Variants in JMJD1C observed in about 807,000 individuals in gnomAD.
The protein encoded by JMJD1C is jumonji domain-containing protein 1C.
In JMJD1C, 31 loss-of-function variants were observed where a neutral mutation model predicts 245.3. The observed-to-expected ratio is 0.13, with a 90% CI of 0.09 to 0.17. The LOEUF (loss-of-function observed/expected upper bound fraction) is 0.17. JMJD1C is among the 10% of genes least tolerant of loss of function. JMJD1C has a pLI of 1.00. For missense variants in JMJD1C, 2,691 were observed against 3,000.2 expected, an observed-to-expected ratio of 0.90 and a Z score of 2.41; for synonymous variants, 1,057 against 1,017.4, an observed-to-expected ratio of 1.04 and a Z score of -0.74.
At chr10:63,176,075 T>G (rs1454132354) in intron 24 of JMJD1C, among the ~76,000 whole-genome samples, 1 of 152,180 alleles carries the variant, frequency 6.6e-6, no homozygotes, top group Non-Finnish European at 1.5e-5. Context: ...GGAGACAGTA[T>G]ACAAATAGAA....
At chr10:63,456,152 T>C (rs1952397867) in intron 1 of JMJD1C, among the ~76,000 whole-genome samples, 1 of 152,206 alleles carries the variant, frequency 6.6e-6, no homozygotes, top group Middle Eastern at 3.4e-3. Context: ...TAAAATGGTT[T>C]CCCTCAAAAT....
At chr10:63,368,390 A>G (rs1946027529) in intron 2 of JMJD1C, among the ~76,000 whole-genome samples, 9 of 152,180 alleles carry the variant, frequency 5.9e-5, no homozygotes. Flanking sequence ...ACTATATAAC[A>G]GCACATAGGG....
intron 1 of JMJD1C, chr10:63,427,506 T>A (rs542407156): frequency 1.5e-6 from 2 of 1,323,924 alleles, no homozygotes; most frequent in Admixed American, 3.5e-5. Flanking sequence ...AGCAACTGTT[T>A]CCTGCCAATG....
Position 63,465,755 on chromosome 10 carries a change from A to C in JMJD1C, c.-93T>G. 2.1e-6 allele frequency: 3 copies of C among 1,431,464 alleles called. No individual in the cohort carries two copies. The highest frequency in any genetic ancestry group is 2.9e-6 in the Non-Finnish European group (3 of 1,037,882). 88.7% of individuals were successfully genotyped at this position (1,431,464 alleles called of 1,614,324 possible). A position where few individuals can be genotyped will look rare whatever the true frequency, so the allele number is the denominator to read the frequency against. On this transcript the variant is annotated 5_prime_UTR_variant, in exon 1 of 26. Coordinates refer to ENST00000399262, the MANE Select transcript of JMJD1C (RefSeq NM_032776.3). ...CGGCCGCTCATGCTGAGGAGAGCGG[A>C]CCGGGACACAGCAGCGGACCCGAAA...
At position 63,167,498 on chromosome 10, in the gene JMJD1C, A is replaced by C. The variant is rs1296643840; in HGVS notation, c.*547T>G. ...GTCAATAGCTTCAACAAAATATTGA[A>C]GTGTCTGTATTTAGTATCTACTTTA... On this transcript the variant is annotated 3_prime_UTR_variant, in exon 26 of 26. Transcript: ENST00000399262. The C allele has an allele frequency of 1.3e-5, 2 of 152,626 alleles. No individual in the cohort carries two copies. The highest frequency in any genetic ancestry group is 2.4e-5 in the African/African-American group (1 of 41,450). 9.5% of individuals were successfully genotyped at this position (152,626 alleles called of 1,614,324 possible). A position where few individuals can be genotyped will look rare whatever the true frequency, so the allele number is the denominator to read the frequency against.
intron 24 of JMJD1C, 97 bp from the exon 25 acceptor site, chr10:63,168,663 G>T: frequency 9.1e-7 from 1 of 1,098,478 alleles, no homozygotes; most frequent in Non-Finnish European, 1.2e-6. Flanking sequence ...AGACAATTCT[G>T]CTGGAGAATT....
At chr10:63,353,270 C>G (rs924820469) in intron 2 of JMJD1C, among the ~76,000 whole-genome samples, 6 of 151,994 alleles carry the variant, frequency 3.9e-5, no homozygotes, top group Admixed American at 3.9e-4. Context: ...TTTGTAAGAA[C>G]TCAAAGAAAC....
At chr10:63,410,438 G>C (rs963307582) in intron 1 of JMJD1C, among the ~76,000 whole-genome samples, 5 of 152,146 alleles carry the variant, frequency 3.3e-5, no homozygotes, top group African/African-American at 9.7e-5. Flanking sequence ...GAAATGAAGA[G>C]TGAGTGAGGT....
At chr10:63,295,959 ATGTG>A (rs370590868) in intron 2 of JMJD1C, among the ~76,000 whole-genome samples, 1,444 of 89,796 alleles carry the variant, frequency 0.016, 78 homozygotes, top group East Asian at 0.11. Flanking sequence ...ATACACGTAT[ATGTG>A]TGTGTGTGTG....
intron 1 of JMJD1C, among the ~76,000 whole-genome samples, chr10:63,482,155 G>A (rs1291637049): frequency 6.6e-6 from 1 of 151,982 alleles, no homozygotes; most frequent in Non-Finnish European, 1.5e-5. Flanking sequence ...TTACGACATT[G>A]ATGAGGAAAA....
At chr10:63,351,333 C>G (rs571822658) in intron 2 of JMJD1C, among the ~76,000 whole-genome samples, 1 of 152,220 alleles carries the variant, frequency 6.6e-6, no homozygotes, top group Admixed American at 6.5e-5. Flanking sequence ...GGTGATCCAG[C>G]CACCTCGGCC....
chr10:63,193,528 A>C, intron 14 of JMJD1C, 56 bp from the exon 15 acceptor site: 1 of 1,324,188 alleles, frequency 7.6e-7, no homozygotes, highest in African/African-American at 1.5e-5. Context: ...TAATGCTGTA[A>C]AATTTTTTTC....
intron 22 of JMJD1C, among the ~76,000 whole-genome samples, chr10:63,181,156 G>A (rs922145720): frequency 3.3e-5 from 5 of 152,106 alleles, no homozygotes; most frequent in Non-Finnish European, 5.9e-5. Context: ...ATGAGCCACC[G>A]TGCCTGGCTT....
Position 63,449,662 on chromosome 10 carries a change from A to C in JMJD1C, c.168+15833T>G, listed in dbSNP as rs539028265. 3.9e-5 allele frequency among the ~76,000 whole-genome samples: 6 copies of C among 152,318 alleles called. No individual in the cohort carries two copies. The South Asian group carries it at 6.2e-4, about 16-fold the overall frequency. ...ATAGTGTCTAAGAATAAGCCTAACA[A>C]ACACAGGACGTATATGAAGAAAATC... On this transcript the variant is annotated intron_variant, in intron 1 of 25. Coordinates refer to ENST00000399262, the MANE Select transcript of JMJD1C (RefSeq NM_032776.3).
At chr10:63,510,316 TC>T (rs1372269727) in intron 1 of JMJD1C, among the ~76,000 whole-genome samples, 1 of 152,260 alleles carries the variant, frequency 6.6e-6, no homozygotes, top group Non-Finnish European at 1.5e-5. Flanking sequence ...TTTGGATCTT[TC>T]ATCTTTTCTA....
chr10:63,356,619 T>C (rs1005255982), intron 2 of JMJD1C, among the ~76,000 whole-genome samples: 2 of 152,190 alleles, frequency 1.3e-5, no homozygotes, highest in African/African-American at 4.8e-5. Flanking sequence ...GATATCAAAA[T>C]TGCATTTCAT....
rs200063944 is a variant in JMJD1C at position 63,215,358 on chromosome 10, C to G, written c.920G>C (p.Arg307Thr). Residue 307 changes from arginine (R) to threonine (T), a missense_variant, in exon 7 of 26, where the codon AGA becomes ACA. Physicochemically the swap from Arg to Thr is moderately conservative, Grantham distance 71 (BLOSUM62 -1). Transcript: ENST00000399262. Reference protein sequence around the residue: ...KQNTHQQQQQRSIRPNKRKGS... With the variant: ...KQNTHQQQQQTSIRPNKRKGS... Reference sequence around the variant, plus strand: ...CTTCCTCTTATTTGGACGGATACTTCTTTGTTGCTGTTGCTGGTGTGTATT... The same window carrying G: ...CTTCCTCTTATTTGGACGGATACTTGTTTGTTGCTGTTGCTGGTGTGTATT... 57 of 1,613,816 alleles carry G rather than the reference C, an allele frequency of 3.5e-5. No individual in the cohort carries two copies. Among genetic ancestry groups the G allele is most frequent in the Non-Finnish European group, 4.7e-5 (56 of 1,179,988 alleles).
intron 1 of JMJD1C, among the ~76,000 whole-genome samples, chr10:63,459,887 T>G (rs1421942991): frequency 6.6e-6 from 1 of 152,230 alleles, no homozygotes; most frequent in Non-Finnish European, 1.5e-5. Context: ...TATGTAGGAT[T>G]CAGAAAAAGT....
intron 24 of JMJD1C, among the ~76,000 whole-genome samples, chr10:63,173,112 G>A (rs890936517): frequency 1.3e-5 from 2 of 151,888 alleles, no homozygotes; most frequent in Admixed American, 1.3e-4. Context: ...AATTTTCACC[G>A]TGAACTTTTT....
Sources: allele counts gnomAD v4.1 joint callset (sites outside exome capture counted in the v4.1 genomes callset), GRCh38; gene constraint gnomAD v4.1.1; transcripts MANE v1.5; gene names NCBI Gene and HGNC (gene_info 2026-07-23, HGNC 2026-07-21).